CERS6: variants seen among roughly 807,000 people sequenced by gnomAD.
The protein encoded by CERS6 is LAG1 homolog, ceramide synthase 6.
CERS6 carries 26 observed loss-of-function variants against 56.8 expected under a neutral mutation model. The ratio of observed to expected loss-of-function variants is 0.46; its 90% CI spans 0.34 to 0.63. The LOEUF is 0.63. Ranked by LOEUF, CERS6 falls within the 30% of genes least tolerant of loss-of-function variation. The probability of loss-of-function intolerance (pLI) is 0.01; values close to 1 mark genes in which losing one functional copy is unlikely to be tolerated. For missense variants in CERS6, 415 were observed against 467.5 expected (o/e 0.89, Z 1.04); for synonymous variants, 164 against 173.3 (o/e 0.95, Z 0.42).
intron 6 of CERS6, among the ~76,000 whole-genome samples, chr2:168,701,608 A>T (rs932871139): frequency 6.6e-6 from 1 of 152,200 alleles, no homozygotes; most frequent in African/African-American, 2.4e-5. Context: ...AGCAGTAAAA[A>T]CTATAGTTGT....
At chr2:168,703,461 G>A (rs776262243) in intron 6 of CERS6, among the ~76,000 whole-genome samples, 26 of 152,034 alleles carry the variant, frequency 1.7e-4, no homozygotes, top group Non-Finnish European at 2.4e-4. Flanking sequence ...AGGAGGCTGA[G>A]GCAGGAGAAT....
intron 4 of CERS6, among the ~76,000 whole-genome samples, chr2:168,675,643 T>C (rs1559047564): frequency 6.6e-6 from 1 of 151,776 alleles, no homozygotes; most frequent in Admixed American, 6.6e-5. Flanking sequence ...TAATAATAAA[T>C]GTTTTACAAG....
At chr2:168,708,636 T>C (rs1687015804) in intron 6 of CERS6, among the ~76,000 whole-genome samples, 1 of 152,144 alleles carries the variant, frequency 6.6e-6, no homozygotes. Context: ...TACAGACTTA[T>C]TAATTTTATT....
At chr2:168,519,013 G>C (rs1019043659) in intron 1 of CERS6, among the ~76,000 whole-genome samples, 1 of 152,232 alleles carries the variant, frequency 6.6e-6, no homozygotes, top group African/African-American at 2.4e-5. Flanking sequence ...TCAGTGCCCC[G>C]GTCCCACTTG....
chr2:168,589,634 TA>T (rs1216628703), intron 3 of CERS6, among the ~76,000 whole-genome samples: 1 of 152,242 alleles, frequency 6.6e-6, no homozygotes, highest in Non-Finnish European at 1.5e-5. Context: ...TTTTCACATG[TA>T]TTTTTTTAAA....
intron 2 of CERS6, among the ~76,000 whole-genome samples, chr2:168,558,617 C>G (rs941626374): frequency 2.0e-5 from 3 of 152,204 alleles, no homozygotes; most frequent in Non-Finnish European, 4.4e-5. Context: ...CGCCTGTAAT[C>G]CCAGCACTTT....
chr2:168,697,339 G>A (rs1464986493), intron 6 of CERS6, among the ~76,000 whole-genome samples: 1 of 152,066 alleles, frequency 6.6e-6, no homozygotes, highest in African/African-American at 2.4e-5. Context: ...AATCATTTAC[G>A]GACTCTTTAG....
rs528046026 is a variant in CERS6 at position 168,762,580 on chromosome 2, G to T, written c.846-3012G>T. Among the ~76,000 whole-genome samples the T allele has an allele frequency of 7.2e-5, 11 of 152,126 alleles. No individual in the cohort carries two copies. In the East Asian group the frequency reaches 1.9e-3, roughly 27 times the overall value. On this transcript the variant is annotated intron_variant, in intron 8 of 9. Transcript: ENST00000305747. ...AAATCATTCCATTTATACCAATTTG[G>T]CCTATGTATATAATATATTAATAGA...
intron 3 of CERS6, among the ~76,000 whole-genome samples, chr2:168,625,161 G>A (rs1018900041): frequency 5.9e-5 from 9 of 152,102 alleles, no homozygotes; most frequent in African/African-American, 2.2e-4. Context: ...AAATGAGAAT[G>A]TCTCAATTAA....
intron 1 of CERS6, among the ~76,000 whole-genome samples, chr2:168,530,387 TA>T (rs549734578): frequency 6.6e-6 from 1 of 152,228 alleles, no homozygotes; most frequent in South Asian, 2.1e-4. Flanking sequence ...ACAATTACTG[TA>T]ATTTTACAAG....
At chr2:168,548,476 A>G (rs1695507278) in intron 2 of CERS6, among the ~76,000 whole-genome samples, 1 of 152,258 alleles carries the variant, frequency 6.6e-6, no homozygotes, top group South Asian at 2.1e-4. Flanking sequence ...GTTTTTATAT[A>G]TCTTACCTTA....
intron 1 of CERS6, among the ~76,000 whole-genome samples, chr2:168,520,597 CCTT>C (rs1694958994): frequency 9.0e-6 from 1 of 110,942 alleles, no homozygotes; most frequent in Non-Finnish European, 1.8e-5. Context: ...TTTACAATAT[CCTT>C]TTTTTTTTTT....
At chr2:168,653,303 C>T (rs528991054) in intron 4 of CERS6, among the ~76,000 whole-genome samples, 1 of 152,298 alleles carries the variant, frequency 6.6e-6, no homozygotes, top group Non-Finnish European at 1.5e-5. Context: ...GCTACCATTT[C>T]CAATGGCTGC....
intron 3 of CERS6, among the ~76,000 whole-genome samples, chr2:168,609,584 T>C (rs1277918476): frequency 1.1e-4 from 17 of 152,164 alleles, no homozygotes; most frequent in Non-Finnish European, 2.9e-5. Flanking sequence ...TCCACTGCCA[T>C]GGAGTGGGGA....
intron 3 of CERS6, among the ~76,000 whole-genome samples, chr2:168,610,491 C>A (rs1024706390): frequency 2.0e-5 from 3 of 152,102 alleles, no homozygotes; most frequent in Non-Finnish European, 4.4e-5. Flanking sequence ...AGCATAATAA[C>A]AAATAGAATG....
At chr2:168,760,758 A>AT (rs777368533) in intron 8 of CERS6, among the ~76,000 whole-genome samples, 2 of 148,142 alleles carry the variant, frequency 1.4e-5, no homozygotes, top group African/African-American at 5.1e-5. Context: ...TTATTTATTT[A>AT]TTTATTTATT....
chr2:168,602,881 A>T (rs1334187727), intron 3 of CERS6, among the ~76,000 whole-genome samples: 1 of 152,216 alleles, frequency 6.6e-6, no homozygotes, highest in Admixed American at 6.5e-5. Flanking sequence ...TAGTGCCATC[A>T]TTTCAGGGAA....
intron 3 of CERS6, among the ~76,000 whole-genome samples, chr2:168,625,132 T>A (rs1684561823): frequency 6.6e-6 from 1 of 152,192 alleles, no homozygotes; most frequent in Non-Finnish European, 1.5e-5. Context: ...ATCTTTTTAT[T>A]TAGATGATGG....
At chr2:168,614,321 C>G (rs1197839707) in intron 3 of CERS6, among the ~76,000 whole-genome samples, 2 of 152,182 alleles carry the variant, frequency 1.3e-5, no homozygotes, top group Non-Finnish European at 2.9e-5. Context: ...GTATAAACAT[C>G]TGTGTCTACA....
Sources: gnomAD v4.1 joint callset for allele counts (sites outside exome capture counted in the v4.1 genomes callset) on GRCh38, gnomAD v4.1.1 for gene constraint, MANE v1.5 for transcripts, NCBI Gene and HGNC (gene_info 2026-07-23, HGNC 2026-07-21) for gene names.